The following GSE1 variants were observed in gnomAD, a reference collection of about 807,000 sequenced individuals.
GSE1 encodes genetic suppressor element 1.
In GSE1, 32 loss-of-function variants were observed where a neutral mutation model predicts 112.6. The ratio of observed to expected loss-of-function variants is 0.28; its 90% CI spans 0.21 to 0.38. The LOEUF (loss-of-function observed/expected upper bound fraction) is 0.38, where lower values mean the gene tolerates loss of function less well. Ranked by LOEUF, GSE1 falls within the 10% of genes least tolerant of loss-of-function variation. GSE1 has a pLI of 1.00. For synonymous variants in GSE1, 1,115 were observed against 735.6 expected, an observed-to-expected ratio of 1.52 and a Z score of -8.35; for missense variants, 2,348 against 1,699.2, an observed-to-expected ratio of 1.38 and a Z score of -6.71.
At chr16:85,654,591 G>C (rs2051742104) in intron 4 of GSE1, 141 bp downstream of exon 4, 6 of 803,482 alleles carry the variant, frequency 7.5e-6, no homozygotes, top group Non-Finnish European at 8.1e-6. Context: ...CCTGGGGATT[G>C]CAGCCCTGTC....
chr16:85,480,679 A>G (rs200483664), intron 2 of GSE1, among the ~76,000 whole-genome samples: 2 of 141,576 alleles, frequency 1.4e-5, no homozygotes, highest in African/African-American at 6.3e-5. Flanking sequence ...TTGCCTTCCC[A>G]GCAGGTGTGG....
intron 1 of GSE1, among the ~76,000 whole-genome samples, chr16:85,220,382 G>A (rs1291231472): frequency 1.3e-5 from 2 of 152,202 alleles, no homozygotes; most frequent in African/African-American, 2.4e-5. Flanking sequence ...GCCGGCGAGC[G>A]GGCGGCGGCG....
upstream of GSE1, chr16:85,613,285 G>A: frequency 6.5e-7 from 1 of 1,537,414 alleles, no homozygotes; most frequent in East Asian, 2.6e-5. Context: ...CAGCGGGCCC[G>A]AGCTGCCGCC....
At chr16:85,187,442 G>C (rs1379079162) in intron 1 of GSE1, among the ~76,000 whole-genome samples, 1 of 152,204 alleles carries the variant, frequency 6.6e-6, no homozygotes, top group African/African-American at 2.4e-5. Flanking sequence ...AGAGAGAGAA[G>C]GAGTTAAAAA....
At chr16:85,195,633 A>G (rs936298020) in intron 1 of GSE1, among the ~76,000 whole-genome samples, 1 of 152,192 alleles carries the variant, frequency 6.6e-6, no homozygotes, top group Non-Finnish European at 1.5e-5. Context: ...CGAGGTAAAG[A>G]TTCCAGGGGG....
chr16:85,374,797 G>C (rs1164790182), intron 2 of GSE1, among the ~76,000 whole-genome samples: 1 of 152,158 alleles, frequency 6.6e-6, no homozygotes. Flanking sequence ...ACCTCCTCTT[G>C]GGCTGCCTTC....
chr16:85,626,789 C>T (rs1048922732), intron 1 of GSE1, among the ~76,000 whole-genome samples: 22 of 152,164 alleles, frequency 1.4e-4, no homozygotes, highest in African/African-American at 7.2e-5. Flanking sequence ...GCCGGGAGGG[C>T]GGCTGGCACG....
rs368887911 is a variant in GSE1 at position 85,559,699 on chromosome 16, T to A, written c.37+3336T>A. 2.7e-4 allele frequency among the ~76,000 whole-genome samples: 41 copies of A among 152,352 alleles called. No homozygotes were observed. In the East Asian group the frequency reaches 6.2e-3, roughly 23 times the overall value. Reference sequence around the variant, plus strand: ...GTCCTTGGGCGGGTGACTGATACTCTCAATTGAGTCTGTTTTCCCATTTGT... The same window carrying A: ...GTCCTTGGGCGGGTGACTGATACTCACAATTGAGTCTGTTTTCCCATTTGT... On this transcript the variant is annotated intron_variant, in intron 1 of 2. Coordinates refer to the GSE1 transcript ENST00000635906.
chr16:85,667,753 G>A (rs1022942899), intron 13 of GSE1, among the ~76,000 whole-genome samples: 2 of 152,210 alleles, frequency 1.3e-5, no homozygotes, highest in African/African-American at 4.8e-5. Flanking sequence ...CAGCCACTCC[G>A]GAGGCTGAGG....
intron 1 of GSE1, among the ~76,000 whole-genome samples, chr16:85,575,487 C>G (rs2046192417): frequency 6.6e-6 from 1 of 152,182 alleles, no homozygotes; most frequent in African/African-American, 2.4e-5. Flanking sequence ...CGTCTCCCCT[C>G]TCGTCTCCCC....
At chr16:85,428,989 C>G (rs1454114375) in intron 2 of GSE1, among the ~76,000 whole-genome samples, 6 of 152,198 alleles carry the variant, frequency 3.9e-5, no homozygotes, top group Non-Finnish European at 7.3e-5. Flanking sequence ...CTTGGAGAAT[C>G]TCAGCTTCAT....
chr16:85,378,973 G>C (rs779537970), intron 2 of GSE1, among the ~76,000 whole-genome samples: 2 of 152,296 alleles, frequency 1.3e-5, no homozygotes, highest in South Asian at 4.1e-4. Flanking sequence ...TTCAAGTTCA[G>C]ATCCTGGCTC....
chr16:85,303,339 A>G (rs573912072), intron 1 of GSE1, among the ~76,000 whole-genome samples: 1 of 152,312 alleles, frequency 6.6e-6, no homozygotes, highest in South Asian at 2.1e-4. Flanking sequence ...GTGAGGGTCT[A>G]TGACCCCTCG....
At chr16:85,297,479 A>T (rs144487072) in intron 1 of GSE1, among the ~76,000 whole-genome samples, 1 of 150,282 alleles carries the variant, frequency 6.7e-6, no homozygotes, top group East Asian at 1.9e-4. Context: ...CCTGTCATGA[A>T]TGTCTAGCTA....
At chr16:85,194,361 G>T (rs972649835) in intron 1 of GSE1, among the ~76,000 whole-genome samples, 5 of 152,186 alleles carry the variant, frequency 3.3e-5, no homozygotes, top group Admixed American at 2.0e-4. Context: ...CGTCACCCAG[G>T]AGGTCAGAGG....
intron 1 of GSE1, among the ~76,000 whole-genome samples, chr16:85,219,449 TGCTGGCCTGGG>T (rs896385655): frequency 6.6e-6 from 1 of 152,232 alleles, no homozygotes; most frequent in African/African-American, 2.4e-5. Context: ...CGCATGAAGC[TGCTGGCCTGGG>T]GCTGGCCTGG....
chr16:85,362,152 C>G (rs1219516159), intron 2 of GSE1, among the ~76,000 whole-genome samples: 2 of 152,222 alleles, frequency 1.3e-5, no homozygotes, highest in Admixed American at 1.3e-4. Context: ...CCCAAACGGA[C>G]TGACCAGGCA....
chr16:85,480,141 C>T lies in GSE1; in HGVS notation c.2464+122498C>T, dbSNP rs868546198. 7.2e-5 allele frequency among the ~76,000 whole-genome samples: 11 copies of T among 152,334 alleles called. No homozygotes were observed. In the South Asian group the frequency reaches 2.1e-3, roughly 29 times the overall value. On this transcript the variant is annotated intron_variant, in intron 2 of 2. Coordinates refer to the GSE1 transcript ENST00000637419. ...TTTACTAGATGATGAAACTGAGGCA[C>T]GGAGAGGTGAAGTAAGGAGCCAGGG...
chr16:85,495,036 A>C (rs2051127237), intron 2 of GSE1, among the ~76,000 whole-genome samples: 1 of 152,220 alleles, frequency 6.6e-6, no homozygotes, highest in South Asian at 2.1e-4. Context: ...AGGAGTTTCT[A>C]GGTCAGGCTG....
Sources: gnomAD v4.1 joint callset for allele counts (sites outside exome capture counted in the v4.1 genomes callset) on GRCh38, gnomAD v4.1.1 for gene constraint, MANE v1.5 for transcripts, NCBI Gene and HGNC (gene_info 2026-07-23, HGNC 2026-07-21) for gene names.